The following CACNA1A variants were observed in gnomAD, a reference collection of about 807,000 sequenced individuals.
CACNA1A encodes calcium voltage-gated channel subunit alpha1 A, also known as voltage-dependent P/Q-type calcium channel subunit alpha-1A.
Under a neutral mutation model 262.4 loss-of-function variants are expected in CACNA1A, and 57 were observed. The observed-to-expected ratio is 0.22, with a 90% CI of 0.18 to 0.27. The LOEUF (loss-of-function observed/expected upper bound fraction) is 0.27, where lower values mean the gene tolerates loss of function less well. CACNA1A is among the 10% of genes least tolerant of loss of function. The pLI is 1.00. For synonymous variants in CACNA1A, 1,431 were observed against 1,419.3 expected, an observed-to-expected ratio of 1.01 and a Z score of -0.18; for missense variants, 2,526 against 3,562.8, an observed-to-expected ratio of 0.71 and a Z score of 7.41.
At position 13,214,525 on chromosome 19, in the gene CACNA1A, C is replaced by T. The variant is rs1193365931; in HGVS notation, c.5815G>A (p.Asp1939Asn). Residue 1939 changes from aspartate (D) to asparagine (N), a missense_variant, in exon 39 of 47, where the codon GAC becomes AAC. Transcript: ENST00000360228. This position sits in a 1 kb window ranked among gnomAD's most constrained non-coding sequence, Gnocchi z 4.1. ...IWPNLSQKTL[D>N]LLVTPHKSTD... ...CACTTGTGAGGTGTGACCAGCAGGT[C>T]TAGCGTCTTCTGGGACAGATTGGGC... is the stretch of plus-strand genomic sequence containing the variant. The T allele has an allele frequency of 6.2e-7, 1 of 1,613,520 alleles. No homozygotes were observed. Among genetic ancestry groups the T allele is most frequent in the South Asian group, 1.1e-5 (1 of 91,072 alleles).
chr19:13,392,143 T>C (rs2059721487), intron 3 of CACNA1A, among the ~76,000 whole-genome samples: 1 of 151,646 alleles, frequency 6.6e-6, no homozygotes, highest in Admixed American at 6.6e-5. Flanking sequence ...CTCAGGAGGT[T>C]GAGGCTACAG....
chr19:13,297,388 T>C (rs539350116), intron 19 of CACNA1A, among the ~76,000 whole-genome samples: 30 of 152,308 alleles, frequency 2.0e-4, no homozygotes, highest in Non-Finnish European at 4.0e-4. Flanking sequence ...GCTCACTCAA[T>C]CTCTCAGTTT....
intron 6 of CACNA1A, among the ~76,000 whole-genome samples, chr19:13,357,570 C>G (rs1027231349): frequency 6.6e-6 from 1 of 152,168 alleles, no homozygotes. Context: ...GATCCTGAAT[C>G]CTTGGCTCTG....
intron 19 of CACNA1A, among the ~76,000 whole-genome samples, chr19:13,289,912 A>G (rs2057494259): frequency 6.7e-6 from 1 of 148,684 alleles, no homozygotes; most frequent in Admixed American, 6.7e-5. Context: ...TATAACATAT[A>G]TATTATATAT....
In CACNA1A at chr19:13,207,871, C is replaced by A. The variant is rs1278178184; in HGVS notation, c.6963G>T (p.Gln2321His). 3 of 1,186,154 alleles carry A rather than the reference C, an allele frequency of 2.5e-6. No homozygotes were observed. The highest frequency in any genetic ancestry group is 3.3e-6 in the Non-Finnish European group (3 of 899,680). The allele number at this position is 1,186,154 out of a possible 1,614,324, so 73.5% of individuals were successfully genotyped here. A position where few individuals can be genotyped will look rare whatever the true frequency, so the allele number is the denominator to read the frequency against. ...PPQQQQQQQQ[Q>H]QQQQAVARPG... ...GCCTGGCCACCGCCTGCTGCTGCTG[C>A]TGCTGCTGCTGCTGCTGCTGCTGCT... The change falls in exon 47 of 47, where the codon CAG (glutamine) becomes CAT (histidine). Residue 2321 changes from glutamine to histidine, a missense_variant. By Grantham distance (24) the Gln-to-His change is conservative (BLOSUM62 0). Coordinates refer to ENST00000360228, the MANE Select transcript of CACNA1A (RefSeq NM_001127222.2). The surrounding 1 kb of genome is among the most constrained non-coding windows in gnomAD (Gnocchi z 5.7).
intron 24 of CACNA1A, 181 bp from the exon 25 acceptor site, chr19:13,263,014 C>T (rs1018742976): frequency 1.5e-5 from 9 of 596,712 alleles, no homozygotes; most frequent in Admixed American, 5.4e-5. Context: ...AGCTTGGGCT[C>T]GGGAGCCAGT....
chr19:13,303,544 A>C lies in CACNA1A; in HGVS notation c.2172+2T>G, dbSNP rs776154745. The C allele has an allele frequency of 6.5e-7, 1 of 1,539,086 alleles. No individual in the cohort carries two copies. Among genetic ancestry groups the C allele is most frequent in the Non-Finnish European group, 8.8e-7 (1 of 1,140,056 alleles). ...AGAGAAACATTCTCCCACCGCCTCC[A>C]CCTTGGTGAGCTCCTGGGCGTTGGC... On this transcript the variant is annotated splice_donor_variant, in intron 17 of 46. Transcript: ENST00000360228. LOFTEE classifies it high-confidence loss of function.
intron 33 of CACNA1A, 30 bp from the exon 34 acceptor site, chr19:13,235,066 C>T: frequency 6.4e-7 from 1 of 1,566,024 alleles, no homozygotes; most frequent in South Asian, 1.1e-5. Context: ...CGACCAGGGG[C>T]TGCCATTCCT....
intron 3 of CACNA1A, among the ~76,000 whole-genome samples, chr19:13,392,218 A>C (rs1248288133): frequency 6.6e-6 from 1 of 151,998 alleles, no homozygotes; most frequent in Non-Finnish European, 1.5e-5. Flanking sequence ...TTCAAAAAAA[A>C]AGAAAAGAAA....
intron 3 of CACNA1A, among the ~76,000 whole-genome samples, chr19:13,449,865 G>A (rs1568656748): frequency 6.6e-6 from 1 of 152,194 alleles, no homozygotes; most frequent in Non-Finnish European, 1.5e-5. Context: ...GTTTTGCTGG[G>A]CACAGTGGCT....
intron 6 of CACNA1A, among the ~76,000 whole-genome samples, chr19:13,339,598 G>A (rs2058640702): frequency 1.3e-5 from 2 of 152,012 alleles, no homozygotes; most frequent in South Asian, 4.1e-4. Context: ...AAACAATAAA[G>A]GTCTGAGAAG....
At chr19:13,312,373 G>A (rs897334183) in intron 12 of CACNA1A, among the ~76,000 whole-genome samples, 4 of 152,118 alleles carry the variant, frequency 2.6e-5, no homozygotes, top group South Asian at 2.1e-4. Context: ...TAGTTGGAGC[G>A]ACACAGGCAA....
intron 3 of CACNA1A, among the ~76,000 whole-genome samples, chr19:13,386,504 A>G (rs1436767511): frequency 6.6e-6 from 1 of 152,006 alleles, no homozygotes; most frequent in African/African-American, 2.4e-5. Context: ...TGAGGCAGTC[A>G]TCGGCCGGGC....
rs138241894 is a variant in CACNA1A at position 13,411,359 on chromosome 19, C to T, written c.540-39580G>A. On this transcript the variant is annotated intron_variant, in intron 3 of 46. Coordinates refer to ENST00000360228, the MANE Select transcript of CACNA1A (RefSeq NM_001127222.2). ...AATAATCCCCACGTGTCAAGGGCGG[C>T]GCCAGGTGGAGATAACTGAATCATG... Among the ~76,000 whole-genome samples the T allele has an allele frequency of 1.9e-3, 286 of 152,220 alleles. 2 individuals carry two copies. The highest frequency in any genetic ancestry group is 6.5e-3 in the African/African-American group (269 of 41,544).
At chr19:13,280,282 C>G (rs146319958) in intron 22 of CACNA1A, among the ~76,000 whole-genome samples, 2,943 of 151,960 alleles carry the variant, frequency 0.019, 52 homozygotes, top group Non-Finnish European at 0.029. Flanking sequence ...CCCAAGTGAT[C>G]CTCCCACCTC....
At chr19:13,495,780 T>A (rs546280393) in intron 1 of CACNA1A, among the ~76,000 whole-genome samples, 39 of 151,600 alleles carry the variant, frequency 2.6e-4, no homozygotes, top group African/African-American at 9.4e-4. Context: ...TATCATCCAC[T>A]CATCCACCCA....
intron 3 of CACNA1A, among the ~76,000 whole-genome samples, chr19:13,448,361 C>G: frequency 6.6e-6 from 1 of 151,914 alleles, no homozygotes; most frequent in Admixed American, 6.6e-5. Context: ...GGGTGGAGGG[C>G]GGGAGGAGGA....
intron 6 of CACNA1A, among the ~76,000 whole-genome samples, chr19:13,348,706 C>T (rs543296481): frequency 2.0e-5 from 3 of 152,230 alleles, no homozygotes; most frequent in African/African-American, 7.2e-5. Flanking sequence ...CGTGTTGGTG[C>T]ATGCCTGTAG....
rs139143784 is a variant in CACNA1A, at chr19:13,502,925, T to C, written c.293+3007A>G. On this transcript the variant is annotated intron_variant, in intron 1 of 46. Coordinates refer to ENST00000360228, the MANE Select transcript of CACNA1A (RefSeq NM_001127222.2). ...TCATGGATCATTCACTCACTTCTCT[T>C]AAACAAGACAGGGAGGAACCTGCTT... is the stretch of plus-strand genomic sequence containing the variant. 8.5e-4 allele frequency among the ~76,000 whole-genome samples: 130 copies of C among 152,230 alleles called. 1 individual carries two copies. Among genetic ancestry groups the C allele is most frequent in the Non-Finnish European group, 1.5e-3 (103 of 68,016 alleles).
Sources: allele counts gnomAD v4.1 joint callset (sites outside exome capture counted in the v4.1 genomes callset), GRCh38; gene constraint gnomAD v4.1.1; non-coding constraint Gnocchi (gnomAD v3.1); transcripts MANE v1.5; gene names NCBI Gene and HGNC (gene_info 2026-07-23, HGNC 2026-07-21).